Variants in PAXBP1 observed in about 807,000 individuals in gnomAD.
The protein encoded by PAXBP1 is PAX3 and PAX7 binding protein 1.
In PAXBP1, 44 loss-of-function variants were observed where a neutral mutation model predicts 119.9. The observed-to-expected ratio is 0.37, with a 90% confidence interval of 0.29 to 0.47. The LOEUF (loss-of-function observed/expected upper bound fraction) is 0.47, where lower values mean the gene tolerates loss of function less well. Among genes scored for constraint, PAXBP1 ranks in the 20% least tolerant of loss-of-function variants. PAXBP1 has a pLI of 0.99. For synonymous variants in PAXBP1, 393 were observed against 406.6 expected (o/e 0.97, Z 0.40); for missense variants, 898 against 1,134.1 (o/e 0.79, Z 2.99).
At chr21:32,747,407 A>C (rs974977662) in intron 11 of PAXBP1, among the ~76,000 whole-genome samples, 4 of 152,150 alleles carry the variant, frequency 2.6e-5, no homozygotes, top group Non-Finnish European at 4.4e-5. Context: ...ACACAGCTGG[A>C]AACTGTGGGG....
chr21:32,762,110 A>T lies in PAXBP1; in HGVS notation c.857T>A (p.Ile286Asn). 1 of 1,614,112 alleles carries T rather than the reference A, an allele frequency of 6.2e-7. No homozygotes were observed. Among genetic ancestry groups the T allele is most frequent in the Admixed American group, 1.7e-5 (1 of 60,012 alleles). The part of the protein sequence containing the change: ...SVKEKSQRQK[I>N]AEEIGIEGSD... Reference sequence around the variant, plus strand: ...AATCAAGTTACCTATTTCCTCAGCAATTTTTTGTCTTTGTGACTTTTCTTT... The same window carrying T: ...AATCAAGTTACCTATTTCCTCAGCATTTTTTTGTCTTTGTGACTTTTCTTT... Residue 286 changes from isoleucine to asparagine, a missense_variant, in exon 4 of 18, where the codon ATT (isoleucine) becomes AAT (asparagine). Around this residue, in one of 2 missense-constraint regions of PAXBP1, gnomAD observed 599 missense variants for 852.7 expected, o/e 0.70. Transcript: ENST00000331923.
In PAXBP1 at chr21:32,734,510, TGTA is replaced by T. The variant is rs1216717470; in HGVS notation, c.*437_*439del. On this transcript the variant is annotated 3_prime_UTR_variant, in exon 18 of 18. Coordinates refer to ENST00000331923, the MANE Select transcript of PAXBP1 (RefSeq NM_016631.4). Reference sequence around the variant, plus strand: ...CTTGCCAGCCCTTTTGTTACAACAGTGTAGTAATTTCCCTAAGACAATTTGCTA... The same window carrying T: ...CTTGCCAGCCCTTTTGTTACAACAGTGTAATTTCCCTAAGACAATTTGCTA... 1 of 185,228 alleles carries T rather than the reference TGTA, an allele frequency of 5.4e-6. No homozygotes were observed. The highest frequency in any genetic ancestry group is 2.4e-5 in the African/African-American group (1 of 41,664). The allele number at this position is 185,228 out of a possible 1,614,324, so 11.5% of individuals were successfully genotyped here.
chr21:32,755,492 T>A, intron 7 of PAXBP1, 139 bp from the exon 8 acceptor site: 1 of 1,074,688 alleles, frequency 9.3e-7, no homozygotes, highest in Non-Finnish European at 1.3e-6. Context: ...AGCACACAAG[T>A]AGCAAATTCT....
At chr21:32,770,917 G>A (rs968355248) in intron 1 of PAXBP1, among the ~76,000 whole-genome samples, 1 of 152,190 alleles carries the variant, frequency 6.6e-6, no homozygotes, top group African/African-American at 2.4e-5. Flanking sequence ...TCATGGTCGA[G>A]GATGCCTGGA....
intron 5 of PAXBP1, 59 bp downstream of exon 5, chr21:32,761,000 C>A (rs568104449): frequency 1.4e-6 from 2 of 1,435,942 alleles, no homozygotes; most frequent in Non-Finnish European, 1.9e-6. Context: ...TTTACTTTAA[C>A]AAAATAAAAA....
chr21:32,765,234 G>C (rs918336299), intron 2 of PAXBP1, among the ~76,000 whole-genome samples: 5 of 152,172 alleles, frequency 3.3e-5, no homozygotes, highest in Non-Finnish European at 7.3e-5. Flanking sequence ...AGGGAGCTGA[G>C]GAATGGCCAC....
chr21:32,761,473 G>A (rs192226324), intron 4 of PAXBP1, among the ~76,000 whole-genome samples: 18 of 152,250 alleles, frequency 1.2e-4, no homozygotes, highest in Admixed American at 9.2e-4. Context: ...ATGAATTTAC[G>A]CATGTAAACT....
chr21:32,762,242 G>A lies in PAXBP1; in HGVS notation c.725C>T (p.Thr242Ile). ...RQMARELGDF[T>I]PHDNEPGKGR... ...TTTACCAGGCTCATTATCATGAGGA[G>A]TGAAATCTCCCAATTCTCGGGCCAT... The change falls in exon 4 of 18, where the codon ACT becomes ATT. Residue 242 changes from threonine to isoleucine, a missense_variant. Thr to Ile is a moderately conservative substitution (Grantham distance 89, BLOSUM62 -1). Around this residue, in one of 2 missense-constraint regions of PAXBP1, gnomAD observed 599 missense variants for 852.7 expected, o/e 0.70. Coordinates refer to ENST00000331923, the MANE Select transcript of PAXBP1 (RefSeq NM_016631.4). The A allele has an allele frequency of 6.2e-7, 1 of 1,614,120 alleles. No individual in the cohort carries two copies. Among genetic ancestry groups the A allele is most frequent in the Non-Finnish European group, 8.5e-7 (1 of 1,180,024 alleles).
intron 11 of PAXBP1, among the ~76,000 whole-genome samples, chr21:32,746,164 C>G (rs1213506520): frequency 1.3e-5 from 2 of 152,116 alleles, no homozygotes; most frequent in Non-Finnish European, 2.9e-5. Context: ...TATAAAAATC[C>G]TAGAAGAAAA....
At chr21:32,744,934 T>C (rs1230208134) in intron 12 of PAXBP1, 21 bp from the exon 13 acceptor site, 5 of 1,593,444 alleles carry the variant, frequency 3.1e-6, no homozygotes, top group African/African-American at 1.4e-5. Flanking sequence ...AAAAAGAGGA[T>C]TGAGACACAG....
chr21:32,737,410 T>C lies in PAXBP1; in HGVS notation c.2482-2A>G. The C allele has an allele frequency of 6.3e-7, 1 of 1,592,664 alleles. No individual in the cohort carries two copies. Among genetic ancestry groups the C allele is most frequent in the Non-Finnish European group, 8.5e-7 (1 of 1,171,838 alleles). On this transcript the variant is annotated splice_acceptor_variant, in intron 16 of 17. Coordinates refer to ENST00000331923, the MANE Select transcript of PAXBP1 (RefSeq NM_016631.4). LOFTEE classifies it high-confidence loss of function. ...TTGTTTGGGGAAACAATTGATTACCTGTGGAGAAGAAAGACGTAAAATAAA... is the reference window on the plus strand; with the variant it reads ...TTGTTTGGGGAAACAATTGATTACCCGTGGAGAAGAAAGACGTAAAATAAA...
Position 32,748,653 on chromosome 21 carries a change from T to C in PAXBP1, c.1769A>G (p.Glu590Gly). ...AATACAGTCAATTGAATAGAAACTT[T>C]CAAGGACATCTTCAAAAACTTTGCC... ...ESGKVFEDVL[E>G]SFYSIDCIKS... The change falls in exon 11 of 18, where the codon GAA becomes GGA. Residue 590 changes from glutamate to glycine, a missense_variant. Physicochemically the swap from Glu to Gly is moderately conservative, Grantham distance 98 (BLOSUM62 -2). Around this residue, in one of 2 missense-constraint regions of PAXBP1, gnomAD observed 599 missense variants for 852.7 expected, o/e 0.70. Transcript: ENST00000331923. 1 of 1,613,092 alleles carries C rather than the reference T, an allele frequency of 6.2e-7. No homozygotes were observed. The highest frequency in any genetic ancestry group is 8.5e-7 in the Non-Finnish European group (1 of 1,179,384).
At chr21:32,769,972 G>A (rs769648868) in intron 1 of PAXBP1, 30 bp from the exon 2 acceptor site, 6 of 1,456,728 alleles carry the variant, frequency 4.1e-6, no homozygotes, top group Non-Finnish European at 1.8e-6. Context: ...GAAGTCTGTA[G>A]CAACTATTTT....
At chr21:32,750,365 T>C (rs2043940519) in intron 10 of PAXBP1, among the ~76,000 whole-genome samples, 1 of 152,230 alleles carries the variant, frequency 6.6e-6, no homozygotes, top group African/African-American at 2.4e-5. Flanking sequence ...AAATGTTCAC[T>C]GTAAAAAAAG....
rs769675753 is a variant in PAXBP1, at chr21:32,759,060, T to C, written c.1383+20A>G. On this transcript the variant is annotated intron_variant, in intron 7 of 17. Transcript: ENST00000331923. ...CTAATTTTGCCTTATTCAAAGAGAT[T>C]AGTATTTTTGCATTCTTACCTTTTC... is the stretch of plus-strand genomic sequence containing the variant. 7 of 1,611,860 alleles carry C rather than the reference T, an allele frequency of 4.3e-6. No homozygotes were observed. Among genetic ancestry groups the C allele is most frequent in the East Asian group, 4.5e-5 (2 of 44,868 alleles).
At chr21:32,737,160 A>G in intron 17 of PAXBP1, 94 bp downstream of exon 17, 2 of 1,045,664 alleles carry the variant, frequency 1.9e-6, no homozygotes, top group Non-Finnish European at 2.6e-6. Context: ...ATACAATTTA[A>G]ACTAAAATAT....
At chr21:32,764,568 AAATT>A (rs1316909938) in intron 2 of PAXBP1, 44 bp from the exon 3 acceptor site, 31 of 1,433,612 alleles carry the variant, frequency 2.2e-5, no homozygotes, top group Non-Finnish European at 2.9e-5. Flanking sequence ...TAAAATTCAT[AAATT>A]AAGAAAGTTT....
intron 7 of PAXBP1, chr21:32,755,949 G>A (rs983803203): frequency 1.7e-5 from 3 of 178,786 alleles, no homozygotes; most frequent in Non-Finnish European, 3.5e-5. Context: ...TTACTAGGGC[G>A]AATAAAATTT....
rs769212665 is a variant in PAXBP1 at position 32,762,283 on chromosome 21, T to C, written c.684A>G (p.Ala228=). ...EIPDAAFIHA[A]RKKRQMAREL... is the part of the protein sequence containing the mutation. ...CTCGGGCCATTTGGCGCTTTTTCCTTGCAGCATGTATAAAAGCTGCATCTG... is the reference window on the plus strand; with the variant it reads ...CTCGGGCCATTTGGCGCTTTTTCCTCGCAGCATGTATAAAAGCTGCATCTG... Residue 228 remains alanine, a synonymous_variant, in exon 4 of 18, where the codon GCA becomes GCG. Transcript: ENST00000331923. 1.2e-6 allele frequency: 2 copies of C among 1,614,126 alleles called. No homozygotes were observed. The highest frequency in any genetic ancestry group is 2.2e-5 in the South Asian group (2 of 91,072).
Sources: gnomAD v4.1 joint callset for allele counts (sites outside exome capture counted in the v4.1 genomes callset) on GRCh38, gnomAD v4.1.1 for gene constraint, gnomAD v4.1.1 regional missense constraint, MANE v1.5 for transcripts, NCBI Gene and HGNC (gene_info 2026-07-23, HGNC 2026-07-21) for gene names.